The following ARID3A variants were observed in gnomAD, a reference collection of about 807,000 sequenced individuals.
The protein encoded by ARID3A is AT-rich interaction domain 3A, also known as AT-rich interactive domain-containing protein 3A.
In ARID3A, 11 loss-of-function variants were observed where a neutral mutation model predicts 52.7. The ratio of observed to expected loss-of-function variants is 0.21; its 90% CI spans 0.13 to 0.35. The LOEUF (loss-of-function observed/expected upper bound fraction) is 0.35, where lower values mean the gene tolerates loss of function less well. Among genes scored for constraint, ARID3A ranks in the 10% least tolerant of loss-of-function variants. The pLI is 1.00. For synonymous variants in ARID3A, 404 were observed against 359.4 expected, an observed-to-expected ratio of 1.12 and a Z score of -1.40; for missense variants, 721 against 838.5, an observed-to-expected ratio of 0.86 and a Z score of 1.73.
In ARID3A at chr19:974,150, T is replaced by TG. The variant is rs567682563; in HGVS notation, c.*2091dup. Reference sequence around the variant, plus strand: ...CCTTGGAGACCCCTGGGGAGGGGGCTGGGGGGCTTCTGAGCCCCTGAGTCT... The same window carrying TG: ...CCTTGGAGACCCCTGGGGAGGGGGCTGGGGGGGCTTCTGAGCCCCTGAGTCT... On this transcript the variant is annotated 3_prime_UTR_variant, in exon 9 of 9. Transcript: ENST00000263620. The TG allele has an allele frequency of 7.6e-4, 170 of 222,566 alleles. 1 individual carries two copies. Among genetic ancestry groups the TG allele is most frequent in the South Asian group, 5.5e-3 (30 of 5,414 alleles). 13.8% of individuals were successfully genotyped at this position (222,566 alleles called of 1,614,324 possible).
At chr19:945,613 G>C (rs1319813702) in intron 3 of ARID3A, among the ~76,000 whole-genome samples, 2 of 152,194 alleles carry the variant, frequency 1.3e-5, no homozygotes, top group Non-Finnish European at 2.9e-5. Flanking sequence ...GTACCCCAAG[G>C]GACCCCGGAC....
At chr19:957,335 G>A (rs773184519) in intron 3 of ARID3A, among the ~76,000 whole-genome samples, 9 of 152,194 alleles carry the variant, frequency 5.9e-5, no homozygotes, top group Non-Finnish European at 1.2e-4. Flanking sequence ...GAAGCAGGGC[G>A]GGGCTCTGGG....
chr19:965,305 A>C, intron 6 of ARID3A: 1 of 558,324 alleles, frequency 1.8e-6, no homozygotes, highest in Non-Finnish European at 3.1e-6. Context: ...TTGCTAATCA[A>C]TCTGTGTTTC....
intron 2 of ARID3A, among the ~76,000 whole-genome samples, chr19:931,439 G>A (rs1352839186): frequency 2.1e-5 from 3 of 141,860 alleles, no homozygotes; most frequent in African/African-American, 8.4e-5. Context: ...GCAACAAAGT[G>A]AGACTGTGTC....
At chr19:934,866 C>G (rs1163912258) in intron 3 of ARID3A, among the ~76,000 whole-genome samples, 1 of 152,218 alleles carries the variant, frequency 6.6e-6, no homozygotes, top group Non-Finnish European at 1.5e-5. Context: ...ACTCAGCTTC[C>G]CAAAGTGCTG....
In ARID3A at chr19:975,361, G is replaced by A. The variant is rs185415518; in HGVS notation, c.*3296G>A. ...TCCAGAAAGGCGGGAGGGTGGGCAC[G>A]GGGCACGGGGGGCAGCTGGGGTCGT... On this transcript the variant is annotated 3_prime_UTR_variant, in exon 9 of 9. Coordinates refer to ENST00000263620, the MANE Select transcript of ARID3A (RefSeq NM_005224.3). 47 of 231,180 alleles carry A rather than the reference G, an allele frequency of 2.0e-4. No homozygotes were observed. The highest frequency in any genetic ancestry group is 7.5e-4 in the African/African-American group (34 of 45,260). 14.3% of individuals were successfully genotyped at this position (231,180 alleles called of 1,614,324 possible).
chr19:966,480 A>G, intron 6 of ARID3A, 92 bp from the exon 7 acceptor site: 1 of 1,109,412 alleles, frequency 9.0e-7, no homozygotes, highest in Non-Finnish European at 1.2e-6. Context: ...AAAAAAGAAA[A>G]GAAAAGAAAA....
upstream of ARID3A, chr19:926,024 C>G (rs1413962545): frequency 7.4e-6 from 1 of 134,860 alleles, no homozygotes; most frequent in Non-Finnish European, 1.6e-5. Context: ...ACCAATCGGG[C>G]GGAGGGGTGT....
At chr19:933,739 AG>A (rs1227786723) in intron 3 of ARID3A, among the ~76,000 whole-genome samples, 1 of 151,450 alleles carries the variant, frequency 6.6e-6, no homozygotes, top group Non-Finnish European at 1.5e-5. Context: ...TAACCCCAGC[AG>A]CCCTCAAGAG....
Position 929,955 on chromosome 19 carries a change from C to G in ARID3A, c.368+59C>G. The G allele has an allele frequency of 6.5e-7, 1 of 1,529,436 alleles. No homozygotes were observed. The highest frequency in any genetic ancestry group is 8.7e-7 in the Non-Finnish European group (1 of 1,143,010). 94.7% of individuals were successfully genotyped at this position (1,529,436 alleles called of 1,614,324 possible). On this transcript the variant is annotated intron_variant, in intron 2 of 8. Coordinates refer to ENST00000263620, the MANE Select transcript of ARID3A (RefSeq NM_005224.3). This position sits in a 1 kb window ranked among gnomAD's most constrained non-coding sequence, Gnocchi z 6.2. Reference sequence around the variant, plus strand: ...GCTGTTACTGGCTCTGAGTGTCACTCTGCTCATCTGCAGAATGGGAGTAAG... The same window carrying G: ...GCTGTTACTGGCTCTGAGTGTCACTGTGCTCATCTGCAGAATGGGAGTAAG...
rs573264253 is a variant in ARID3A, at chr19:955,254, G to A, written c.694-4838G>A. 1.5e-3 allele frequency among the ~76,000 whole-genome samples: 223 copies of A among 152,264 alleles called. 2 individuals are homozygous for A. Among genetic ancestry groups the A allele is most frequent in the Non-Finnish European group, 2.3e-3 (156 of 67,990 alleles). ...GGGGCCTCGGCCAGCTGGCCAGGGC[G>A]GGGCGCCCCCCACAGGGGAGCGGAA... On this transcript the variant is annotated intron_variant, in intron 3 of 8. Transcript: ENST00000263620.
intron 3 of ARID3A, among the ~76,000 whole-genome samples, chr19:954,353 TCCATC>T (rs2037870027): frequency 6.6e-6 from 1 of 152,110 alleles, no homozygotes; most frequent in Non-Finnish European, 1.5e-5. Context: ...GTCCACACCT[TCCATC>T]CCCCACAGCA....
intron 1 of ARID3A, among the ~76,000 whole-genome samples, chr19:927,121 T>A (rs905213469): frequency 1.3e-5 from 2 of 151,926 alleles, no homozygotes; most frequent in Non-Finnish European, 2.9e-5. Flanking sequence ...CACAACTCTT[T>A]AAATAACCAT....
intron 6 of ARID3A, 135 bp from the exon 7 acceptor site, chr19:966,437 A>C (rs966637104): frequency 7.6e-5 from 60 of 786,856 alleles, no homozygotes; most frequent in Non-Finnish European, 1.0e-4. Flanking sequence ...CAGCCTGGGC[A>C]ACAAGAGTGA....
intron 3 of ARID3A, among the ~76,000 whole-genome samples, chr19:953,739 G>A (rs920875786): frequency 6.6e-6 from 1 of 152,088 alleles, no homozygotes; most frequent in Non-Finnish European, 1.5e-5. Context: ...AAGGAACAGC[G>A]CCGCGGAGGC....
chr19:941,047 CG>C lies in ARID3A; in HGVS notation c.693+8309del, dbSNP rs1395358410. On this transcript the variant is annotated intron_variant, in intron 3 of 8. Transcript: ENST00000263620. This position sits in a 1 kb window ranked among gnomAD's most constrained non-coding sequence, Gnocchi z 6.9. The stretch of plus-strand genomic sequence containing the variant: ...CCGCCTGGCCGTCGGGTCACCGCCG[CG>C]GGGTCACCGCCGCCGCGGCCTGGCC... Among the ~76,000 whole-genome samples the C allele has an allele frequency of 6.6e-6, 1 of 152,034 alleles. No homozygotes were observed. The highest frequency in any genetic ancestry group is 2.4e-5 in the African/African-American group (1 of 41,412).
rs1383988513 is a variant in ARID3A, at chr19:929,767, G to T, written c.239G>T (p.Gly80Val). Residue 80 changes from glycine to valine, a missense_variant, in exon 2 of 9, where the codon GGC (glycine) becomes GTC (valine). Physicochemically the swap from Gly to Val is moderately radical, Grantham distance 109 (BLOSUM62 -3). This residue lies in a region of ARID3A where 349 missense variants were observed against 297.3 expected (regional missense o/e 1.17). Coordinates refer to ENST00000263620, the MANE Select transcript of ARID3A (RefSeq NM_005224.3). This position sits in a 1 kb window ranked among gnomAD's most constrained non-coding sequence, Gnocchi z 6.2. ...AGLGHPASPGGSEDGPPGSEE... is the reference protein window; with the variant it reads ...AGLGHPASPGVSEDGPPGSEE... ...CTGGGACACCCAGCCAGCCCCGGCG[G>T]CTCTGAGGATGGGCCCCCAGGCTCG... 2 of 1,552,924 alleles carry T rather than the reference G, an allele frequency of 1.3e-6. No homozygotes were observed. Among genetic ancestry groups the T allele is most frequent in the Admixed American group, 1.9e-5 (1 of 51,932 alleles).
In ARID3A at chr19:944,326, G is replaced by C. The variant is rs538872042; in HGVS notation, c.693+11584G>C. Among the ~76,000 whole-genome samples, 1 of 101,296 alleles carries C rather than the reference G, an allele frequency of 9.9e-6. No homozygotes were observed. The highest frequency in any genetic ancestry group is 3.8e-5 in the African/African-American group (1 of 26,090). 66.5% of individuals were successfully genotyped at this position (101,296 alleles called of 152,430 possible). A position where few individuals can be genotyped will look rare whatever the true frequency, so the allele number is the denominator to read the frequency against. On this transcript the variant is annotated intron_variant, in intron 3 of 8. Coordinates refer to ENST00000263620, the MANE Select transcript of ARID3A (RefSeq NM_005224.3). This position sits in a 1 kb window ranked among gnomAD's most constrained non-coding sequence, Gnocchi z 5.9. ...CTGGCTGCAGGGGCGCGTCCAGGGGGTGTGTGTGTGTGTGTGTGTGTGTCT... is the reference window on the plus strand; with the variant it reads ...CTGGCTGCAGGGGCGCGTCCAGGGGCTGTGTGTGTGTGTGTGTGTGTGTCT...
intron 3 of ARID3A, among the ~76,000 whole-genome samples, chr19:935,131 G>A (rs565525015): frequency 1.3e-5 from 2 of 152,212 alleles, no homozygotes; most frequent in African/African-American, 4.8e-5. Flanking sequence ...CTGGCCGGCC[G>A]CTTGGCACCG....
Sources: allele counts gnomAD v4.1 joint callset (sites outside exome capture counted in the v4.1 genomes callset), GRCh38; gene constraint gnomAD v4.1.1; regional missense constraint gnomAD v4.1.1; non-coding constraint Gnocchi (gnomAD v3.1); transcripts MANE v1.5; gene names NCBI Gene and HGNC (gene_info 2026-07-23, HGNC 2026-07-21).